The following HS3ST1 variants were observed in gnomAD, a reference collection of about 807,000 sequenced individuals.
HS3ST1 encodes the protein heparan sulfate-glucosamine 3-sulfotransferase 1.
A neutral mutation model predicts 20.7 loss-of-function variants in HS3ST1; 8 were observed. That is an observed-to-expected ratio of 0.39 (90% confidence interval 0.23 to 0.70). The LOEUF (loss-of-function observed/expected upper bound fraction) is 0.70. Among genes scored for constraint, HS3ST1 ranks in the 30% least tolerant of loss-of-function variants. HS3ST1 has a pLI of 0.46. For synonymous variants in HS3ST1, 205 were observed against 190.4 expected, an observed-to-expected ratio of 1.08 and a Z score of -0.63; for missense variants, 436 against 423.4, an observed-to-expected ratio of 1.03 and a Z score of -0.26.
chr4:11,433,107 T>C (rs1255100934), upstream of HS3ST1, among the ~76,000 whole-genome samples: 1 of 152,262 alleles, frequency 6.6e-6, no homozygotes, highest in African/African-American at 2.4e-5. Context: ...ATCTTATGAT[T>C]ACATTAGTAT....
In HS3ST1 at chr4:11,393,867, A is replaced by G. The variant is rs188771790; in HGVS notation, c.*5215T>C. 3 of 152,044 alleles carry G rather than the reference A, an allele frequency of 2.0e-5. No homozygotes were observed. The highest frequency in any genetic ancestry group is 2.0e-4 in the Admixed American group (3 of 15,272). 9.4% of individuals were successfully genotyped at this position (152,044 alleles called of 1,614,324 possible). On this transcript the variant is annotated 3_prime_UTR_variant, in exon 2 of 2. Coordinates refer to ENST00000002596, the MANE Select transcript of HS3ST1 (RefSeq NM_005114.4). The stretch of plus-strand genomic sequence containing the variant: ...TTCTCAGGCATCTTCAGGTAAGAAA[A>G]CTCCTGCCAACTAAGAGAAATCCTT...
At position 11,394,264 on chromosome 4, in the gene HS3ST1, G is replaced by A. The variant is rs746738633; in HGVS notation, c.*4818C>T. On this transcript the variant is annotated 3_prime_UTR_variant, in exon 2 of 2. Coordinates refer to ENST00000002596, the MANE Select transcript of HS3ST1 (RefSeq NM_005114.4). ...CATGGTCAGTGATTGGTACAGCTAG[G>A]ATGCACACCCAGGTCTTCTGGCTCT... The A allele has an allele frequency of 1.3e-5, 2 of 152,208 alleles. No individual in the cohort carries two copies. Among genetic ancestry groups the A allele is most frequent in the Admixed American group, 6.5e-5 (1 of 15,274 alleles). 9.4% of individuals were successfully genotyped at this position (152,208 alleles called of 1,614,324 possible). A position where few individuals can be genotyped will look rare whatever the true frequency, so the allele number is the denominator to read the frequency against.
chr4:11,403,933 G>C (rs540968738), intron 1 of HS3ST1, among the ~76,000 whole-genome samples: 3 of 152,266 alleles, frequency 2.0e-5, no homozygotes, highest in Admixed American at 1.3e-4. Context: ...TGTGTGTCAG[G>C]ACTGTCCAAT....
At chr4:11,406,105 A>G (rs1187427692) in intron 1 of HS3ST1, among the ~76,000 whole-genome samples, 3 of 152,194 alleles carry the variant, frequency 2.0e-5, no homozygotes, top group Non-Finnish European at 2.9e-5. Context: ...CAATTCACTT[A>G]TGGGATTTAA....
chr4:11,422,083 C>T (rs369420345), intron 1 of HS3ST1, among the ~76,000 whole-genome samples: 1 of 152,236 alleles, frequency 6.6e-6, no homozygotes, highest in South Asian at 2.1e-4. Context: ...ATCTATTCAG[C>T]AAAGCGCTTG....
rs113344944 is a variant in HS3ST1, at chr4:11,420,692, A to G, written c.-109+8007T>C. The stretch of plus-strand genomic sequence containing the variant: ...GGTGACATAAGCAAGAATCAGACTC[A>G]CTTCTTCAATGCCCAGAGTTCTGTT... On this transcript the variant is annotated intron_variant, in intron 1 of 1. Coordinates refer to ENST00000002596, the MANE Select transcript of HS3ST1 (RefSeq NM_005114.4). Among the ~76,000 whole-genome samples the G allele has an allele frequency of 3.5e-3, 535 of 152,328 alleles. 4 individuals carry two copies. Among genetic ancestry groups the G allele is most frequent in the African/African-American group, 0.013 (520 of 41,584 alleles).
upstream of HS3ST1, among the ~76,000 whole-genome samples, chr4:11,433,606 G>A (rs1719244031): frequency 1.3e-5 from 2 of 152,062 alleles, no homozygotes; most frequent in Admixed American, 1.3e-4. Context: ...CTGATCTTTT[G>A]ATGAGTCGGT....
Position 11,398,022 on chromosome 4 carries a change from T to C in HS3ST1, c.*1060A>G, listed in dbSNP as rs1043304219. On this transcript the variant is annotated 3_prime_UTR_variant, in exon 2 of 2. Coordinates refer to ENST00000002596, the MANE Select transcript of HS3ST1 (RefSeq NM_005114.4). ...CTGGGGGCAGGTACAGTGGTTCTCTTAGGTGCTACCTTCAACTCTGCCCTT... is the reference window on the plus strand; with the variant it reads ...CTGGGGGCAGGTACAGTGGTTCTCTCAGGTGCTACCTTCAACTCTGCCCTT... 6.6e-6 allele frequency: 1 copy of C among 152,184 alleles called. No homozygotes were observed. Among genetic ancestry groups the C allele is most frequent in the African/African-American group, 2.4e-5 (1 of 41,454 alleles). The allele number at this position is 152,184 out of a possible 1,614,324, so 9.4% of individuals were successfully genotyped here. A position where few individuals can be genotyped will look rare whatever the true frequency, so the allele number is the denominator to read the frequency against.
intron 1 of HS3ST1, among the ~76,000 whole-genome samples, chr4:11,404,933 G>T (rs1718424486): frequency 6.6e-6 from 1 of 152,234 alleles, no homozygotes; most frequent in Admixed American, 6.5e-5. Flanking sequence ...GAGGTTCAGA[G>T]AAATGAAGTC....
Position 11,403,774 on chromosome 4 carries a change from A to G in HS3ST1, c.-108-3661T>C, listed in dbSNP as rs543883233. 4.6e-5 allele frequency among the ~76,000 whole-genome samples: 7 copies of G among 152,280 alleles called. No homozygotes were observed. In the South Asian group the frequency reaches 1.5e-3, roughly 32 times the overall value. On this transcript the variant is annotated intron_variant, in intron 1 of 1. Transcript: ENST00000002596. ...CTGTTCAGTAGAAGGGTCCAAATGA[A>G]TTGCACAGGCCCTGGAGTCAGGATT...
At position 11,395,407 on chromosome 4, in the gene HS3ST1, T is replaced by A. The variant is rs1412106347; in HGVS notation, c.*3675A>T. On this transcript the variant is annotated 3_prime_UTR_variant, in exon 2 of 2. Transcript: ENST00000002596. ...ACTATTTCCCTGGAGTGAGCAAGAATCCTTTCTTCTGAAAAAAATGACTTG... is the reference window on the plus strand; with the variant it reads ...ACTATTTCCCTGGAGTGAGCAAGAAACCTTTCTTCTGAAAAAAATGACTTG... The A allele has an allele frequency of 6.6e-6, 1 of 151,916 alleles. No homozygotes were observed. The highest frequency in any genetic ancestry group is 1.5e-5 in the Non-Finnish European group (1 of 67,974). 9.4% of individuals were successfully genotyped at this position (151,916 alleles called of 1,614,324 possible). A position where few individuals can be genotyped will look rare whatever the true frequency, so the allele number is the denominator to read the frequency against.
At chr4:11,419,028 GT>G (rs1461208723) in intron 1 of HS3ST1, among the ~76,000 whole-genome samples, 2 of 152,024 alleles carry the variant, frequency 1.3e-5, no homozygotes, top group Admixed American at 1.3e-4. Context: ...CTGCGTTGGG[GT>G]TTACTCAGGG....
chr4:11,419,357 C>T (rs1718865996), intron 1 of HS3ST1, among the ~76,000 whole-genome samples: 1 of 152,084 alleles, frequency 6.6e-6, no homozygotes, highest in Admixed American at 6.6e-5. Context: ...GAGACACTCT[C>T]CCATGAATAT....
At position 11,399,516 on chromosome 4, in the gene HS3ST1, G is replaced by T; in HGVS notation, c.490C>A (p.His164Asn). ...LSDYTQVFYNHMQKHKPYPSI... is the reference protein window; with the variant it reads ...LSDYTQVFYNNMQKHKPYPSI... ...GGGTAGGGCTTGTGCTTCTGCATGTGGTTGTAGAACACTTGGGTGTAGTCA... is the reference window on the plus strand; with the variant it reads ...GGGTAGGGCTTGTGCTTCTGCATGTTGTTGTAGAACACTTGGGTGTAGTCA... Residue 164 changes from histidine (H) to asparagine (N), a missense_variant, in exon 2 of 2, where the codon CAC (histidine) becomes AAC (asparagine). Transcript: ENST00000002596. This position sits in a 1 kb window ranked among gnomAD's most constrained non-coding sequence, Gnocchi z 5.1. The T allele has an allele frequency of 1.2e-6, 2 of 1,614,022 alleles. No individual in the cohort carries two copies. The highest frequency in any genetic ancestry group is 1.7e-6 in the Non-Finnish European group (2 of 1,180,030).
chr4:11,411,739 A>G (rs923780179), intron 1 of HS3ST1, among the ~76,000 whole-genome samples: 1 of 152,210 alleles, frequency 6.6e-6, no homozygotes, highest in South Asian at 2.1e-4. Context: ...AAAATGATTT[A>G]CATTTTATAT....
In HS3ST1 at chr4:11,399,172, A is replaced by C; in HGVS notation, c.834T>G (p.Asp278Glu). 1.2e-6 allele frequency: 2 copies of C among 1,614,142 alleles called. No homozygotes were observed. The highest frequency in any genetic ancestry group is 2.2e-5 in the South Asian group (2 of 91,074). ...ESKGRAHPQV[D>E]PKLLNKLHEY... Reference sequence around the variant, plus strand: ...CGTGCAGTTTATTGAGTAGTTTGGGATCGACTTGGGGGTGCGCCCGGCCTT... The same window carrying C: ...CGTGCAGTTTATTGAGTAGTTTGGGCTCGACTTGGGGGTGCGCCCGGCCTT... The change falls in exon 2 of 2, where the codon GAT (aspartate) becomes GAG (glutamate). Residue 278 changes from aspartate to glutamate, a missense_variant. Transcript: ENST00000002596. The surrounding 1 kb of genome is among the most constrained non-coding windows in gnomAD (Gnocchi z 5.1).
chr4:11,424,273 G>A (rs1000107492), intron 1 of HS3ST1, among the ~76,000 whole-genome samples: 2 of 152,144 alleles, frequency 1.3e-5, no homozygotes, highest in African/African-American at 4.8e-5. Flanking sequence ...ATGCCCACTG[G>A]GATCTATTTC....
At chr4:11,432,745 C>T (rs771699666), upstream of HS3ST1, among the ~76,000 whole-genome samples, 4 of 152,140 alleles carry the variant, frequency 2.6e-5, no homozygotes, top group Non-Finnish European at 5.9e-5. Context: ...AGAATTGTTT[C>T]TATTTCTTTT....
chr4:11,418,342 TAAC>T (rs1035628245), intron 1 of HS3ST1, among the ~76,000 whole-genome samples: 1 of 152,212 alleles, frequency 6.6e-6, no homozygotes, highest in African/African-American at 2.4e-5. Context: ...TATAGACACT[TAAC>T]TACATACCAG....
Sources: gnomAD v4.1 joint callset for allele counts (sites outside exome capture counted in the v4.1 genomes callset) on GRCh38, gnomAD v4.1.1 for gene constraint, Gnocchi (gnomAD v3.1) non-coding constraint, MANE v1.5 for transcripts, NCBI Gene and HGNC (gene_info 2026-07-23, HGNC 2026-07-21) for gene names.